The following AKAP19 variants were observed in gnomAD, a reference collection of about 807,000 sequenced individuals.
AKAP19 encodes A-kinase anchoring protein 19.
chr2:190,053,876 A>G, the AKAP19 span, among the ~76,000 whole-genome samples: 1 of 152,178 alleles, frequency 6.6e-6, no homozygotes, highest in Non-Finnish European at 1.5e-5. Flanking sequence ...TAACACATAG[A>G]ATTTTAATTA....
chr2:190,163,759 A>G, the AKAP19 span, among the ~76,000 whole-genome samples: 1 of 152,360 alleles, frequency 6.6e-6, no homozygotes, highest in Middle Eastern at 3.4e-3. Context: ...ATGACTTAGT[A>G]TAACTAGGCC....
chr2:190,051,102 T>C, the AKAP19 span, among the ~76,000 whole-genome samples: 3 of 152,134 alleles, frequency 2.0e-5, no homozygotes, highest in Admixed American at 6.5e-5. Flanking sequence ...CTGTGAAAAA[T>C]TGTATCTCTA....
the AKAP19 span, among the ~76,000 whole-genome samples, chr2:190,104,338 G>T: frequency 6.6e-6 from 1 of 152,108 alleles, no homozygotes; most frequent in African/African-American, 2.4e-5. Flanking sequence ...TGACAAGTAG[G>T]ATGTAATTAA....
chr2:189,985,427 T>C, the AKAP19 span, among the ~76,000 whole-genome samples: 1 of 152,314 alleles, frequency 6.6e-6, no homozygotes, highest in South Asian at 2.1e-4. Flanking sequence ...CATCTACATA[T>C]CTTTCTTCAG....
At chr2:189,989,280 C>A in the AKAP19 span, among the ~76,000 whole-genome samples, 1 of 149,970 alleles carries the variant, frequency 6.7e-6, no homozygotes, top group African/African-American at 2.5e-5. Context: ...ACCTTCCCCG[C>A]AAAAAAAAAG....
chr2:190,060,320 G>A, the AKAP19 span: 59 of 1,612,736 alleles, frequency 3.7e-5, no homozygotes, highest in Non-Finnish European at 4.7e-5. Context: ...TAGGAGTCTC[G>A]ACGGGTCTCA....
At chr2:189,999,109 T>G in the AKAP19 span, among the ~76,000 whole-genome samples, 1 of 152,066 alleles carries the variant, frequency 6.6e-6, no homozygotes, top group Non-Finnish European at 1.5e-5. Flanking sequence ...TAAGCATTAT[T>G]ATGTTTTTCT....
chr2:190,126,965 G>C, the AKAP19 span, among the ~76,000 whole-genome samples: 184 of 152,202 alleles, frequency 1.2e-3, 2 homozygotes, highest in African/African-American at 4.3e-3. Context: ...CTTAGTGGAA[G>C]CCAGCTGGCC....
chr2:189,953,634 C>CAAAAAA, the AKAP19 span, among the ~76,000 whole-genome samples: 89 of 72,642 alleles, frequency 1.2e-3, no homozygotes, highest in African/African-American at 3.2e-3. Flanking sequence ...AACTCCATCT[C>CAAAAAA]AAAAAAAAAA....
At chr2:190,067,705 C>T in the AKAP19 span, among the ~76,000 whole-genome samples, 1 of 152,126 alleles carries the variant, frequency 6.6e-6, no homozygotes, top group Admixed American at 6.6e-5. Context: ...TGGCAATCCT[C>T]ATAATAATGT....
chr2:190,049,683 C>T, the AKAP19 span, among the ~76,000 whole-genome samples: 1 of 152,314 alleles, frequency 6.6e-6, no homozygotes, highest in South Asian at 2.1e-4. Context: ...ACTGATATTA[C>T]TAAGCTACCT....
At chr2:190,158,030 C>T in the AKAP19 span, among the ~76,000 whole-genome samples, 1 of 152,234 alleles carries the variant, frequency 6.6e-6, no homozygotes, top group Admixed American at 6.5e-5. Flanking sequence ...CGATGTTATT[C>T]ATAGATTCCA....
chr2:189,881,106 G>GA, the AKAP19 span, among the ~76,000 whole-genome samples: 3 of 151,480 alleles, frequency 2.0e-5, no homozygotes, highest in African/African-American at 4.9e-5. Flanking sequence ...GATAAGTACT[G>GA]AAAAAAAACA....
chr2:190,092,850 A>C, the AKAP19 span, among the ~76,000 whole-genome samples: 1 of 152,186 alleles, frequency 6.6e-6, no homozygotes, highest in Admixed American at 6.5e-5. Context: ...TACCAGATCA[A>C]AGGAGAGGAG....
At chr2:190,137,016 G>A in the AKAP19 span, among the ~76,000 whole-genome samples, 6 of 152,176 alleles carry the variant, frequency 3.9e-5, no homozygotes, top group East Asian at 1.9e-4. Flanking sequence ...TAAATGTGTC[G>A]ACGTAGCAGA....
chr2:190,139,688 T>G, the AKAP19 span, among the ~76,000 whole-genome samples: 1 of 152,004 alleles, frequency 6.6e-6, no homozygotes, highest in Non-Finnish European at 1.5e-5. Context: ...TAGGGGTAAC[T>G]ACCTCCATGA....
the AKAP19 span, among the ~76,000 whole-genome samples, chr2:190,072,549 A>G: frequency 6.6e-6 from 1 of 152,242 alleles, no homozygotes; most frequent in Non-Finnish European, 1.5e-5. Flanking sequence ...AGTGAATGCT[A>G]TATCCTGACA....
the AKAP19 span, chr2:190,079,816 A>C: frequency 2.0e-5 from 3 of 152,280 alleles, no homozygotes; most frequent in African/African-American, 7.3e-5. Context: ...ATCTTAAAAA[A>C]AAAAGATTTT....
the AKAP19 span, among the ~76,000 whole-genome samples, chr2:189,991,395 A>C: frequency 2.6e-5 from 4 of 152,106 alleles, no homozygotes; most frequent in Non-Finnish European, 4.4e-5. Context: ...CATTCTTGCA[A>C]GAGTAAGGTA....
Sources: gnomAD v4.1 joint callset for allele counts (sites outside exome capture counted in the v4.1 genomes callset) on GRCh38, gnomAD v4.1.1 for gene constraint, MANE v1.5 for transcripts, NCBI Gene and HGNC (gene_info 2026-07-23, HGNC 2026-07-21) for gene names.